The following MAGI2 variants were observed in gnomAD, a reference collection of about 807,000 sequenced individuals.
MAGI2 encodes the protein membrane-associated guanylate kinase, WW and PDZ domain-containing protein 2.
A neutral mutation model predicts 133.3 loss-of-function variants in MAGI2; 35 were observed. The ratio of observed to expected loss-of-function variants is 0.26; its 90% CI spans 0.20 to 0.35. MAGI2 has a LOEUF of 0.35. MAGI2 is among the 10% of genes least tolerant of loss of function. The probability of loss-of-function intolerance (pLI) is 1.00; values close to 1 mark genes in which losing one functional copy is unlikely to be tolerated. For missense variants in MAGI2, 1,636 were observed against 1,863.4 expected (o/e 0.88, Z 2.25); for synonymous variants, 729 against 710.6 (o/e 1.03, Z -0.41).
At chr7:79,420,469 G>A (rs1846876171) in intron 1 of MAGI2, among the ~76,000 whole-genome samples, 1 of 151,780 alleles carries the variant, frequency 6.6e-6, no homozygotes, top group African/African-American at 2.4e-5. Flanking sequence ...AGTGTATTTT[G>A]TTTCAACCTC....
At chr7:78,220,964 A>G (rs1788767266) in intron 10 of MAGI2, among the ~76,000 whole-genome samples, 3 of 152,188 alleles carry the variant, frequency 2.0e-5, no homozygotes, top group Non-Finnish European at 4.4e-5. Context: ...TTTACAACCC[A>G]TATGTTGTGT....
At chr7:79,088,900 A>T (rs561348516) in intron 1 of MAGI2, among the ~76,000 whole-genome samples, 1 of 152,220 alleles carries the variant, frequency 6.6e-6, no homozygotes, top group South Asian at 2.1e-4. Flanking sequence ...CAAAGACTTC[A>T]TGACTGAAAC....
At chr7:78,756,063 C>T (rs1823913756) in intron 2 of MAGI2, among the ~76,000 whole-genome samples, 1 of 152,140 alleles carries the variant, frequency 6.6e-6, no homozygotes, top group Non-Finnish European at 1.5e-5. Flanking sequence ...AAGAATGTAA[C>T]TTCGAGGTCA....
intron 2 of MAGI2, among the ~76,000 whole-genome samples, chr7:78,888,217 A>G (rs139059843): frequency 0.033 from 5,091 of 152,206 alleles, 256 homozygotes; most frequent in East Asian, 0.22. Flanking sequence ...TCAGTAGGTA[A>G]ACAAAGCGGC....
chr7:78,470,985 A>G (rs1308683566), intron 6 of MAGI2, among the ~76,000 whole-genome samples: 1 of 152,160 alleles, frequency 6.6e-6, no homozygotes, highest in Non-Finnish European at 1.5e-5. Context: ...GGTTGACCAA[A>G]ATGACTTCAC....
At chr7:78,660,927 C>G (rs1812882508) in intron 2 of MAGI2, among the ~76,000 whole-genome samples, 1 of 152,152 alleles carries the variant, frequency 6.6e-6, no homozygotes, top group African/African-American at 2.4e-5. Flanking sequence ...GATAAGGCAT[C>G]AGTGACTTGC....
chr7:78,915,353 C>T (rs2151623819), intron 2 of MAGI2, among the ~76,000 whole-genome samples: 1 of 152,230 alleles, frequency 6.6e-6, no homozygotes, highest in South Asian at 2.1e-4. Flanking sequence ...AGAGCCTATT[C>T]AGTTGGTACA....
chr7:78,720,355 A>T (rs1820143654), intron 2 of MAGI2, among the ~76,000 whole-genome samples: 1 of 152,108 alleles, frequency 6.6e-6, no homozygotes, highest in South Asian at 2.1e-4. Context: ...CACCTATGAG[A>T]TTCAAACTAT....
At position 78,493,674 on chromosome 7, in the gene MAGI2, C is replaced by T. The variant is rs17150907; in HGVS notation, c.966-3834G>A. On this transcript the variant is annotated intron_variant, in intron 5 of 21. Coordinates refer to ENST00000354212, the MANE Select transcript of MAGI2 (RefSeq NM_012301.4). The stretch of plus-strand genomic sequence containing the variant: ...AACCAGAGGCATCCGGAACCTCACA[C>T]TTGGCTTTTTATACTGAGGTGCTTC... Among the ~76,000 whole-genome samples, 487 of 152,120 alleles carry T rather than the reference C, an allele frequency of 3.2e-3. 4 individuals are homozygous for T. The highest frequency in any genetic ancestry group is 0.011 in the African/African-American group (469 of 41,502).
chr7:78,319,131 G>A (rs1787727848), intron 9 of MAGI2, among the ~76,000 whole-genome samples: 1 of 152,166 alleles, frequency 6.6e-6, no homozygotes, highest in Admixed American at 6.6e-5. Flanking sequence ...AACCTTAAAT[G>A]TAAATGGACT....
chr7:79,449,950 T>C (rs1849129578), intron 1 of MAGI2, among the ~76,000 whole-genome samples: 1 of 147,862 alleles, frequency 6.8e-6, no homozygotes, highest in African/African-American at 2.5e-5. Context: ...TTTAAAATTA[T>C]GACAGATGAA....
At chr7:78,288,645 T>G (rs1188643339) in intron 9 of MAGI2, among the ~76,000 whole-genome samples, 1 of 152,226 alleles carries the variant, frequency 6.6e-6, no homozygotes, top group Admixed American at 6.5e-5. Flanking sequence ...CTGGGCAGAC[T>G]GCCTCCTCAA....
At chr7:78,098,848 C>T (rs1009234156) in intron 20 of MAGI2, among the ~76,000 whole-genome samples, 67 of 152,294 alleles carry the variant, frequency 4.4e-4, no homozygotes, top group African/African-American at 1.5e-3. Context: ...TTTCCTGATA[C>T]GGAGTATGTT....
At chr7:78,518,048 C>T (rs1010984210) in intron 4 of MAGI2, 1 of 151,494 alleles carries the variant, frequency 6.6e-6, no homozygotes, top group African/African-American at 2.4e-5. Flanking sequence ...GAATCACCTA[C>T]AAGCTTTATT....
chr7:79,350,663 C>T (rs926581961), intron 1 of MAGI2, among the ~76,000 whole-genome samples: 3 of 151,870 alleles, frequency 2.0e-5, no homozygotes, highest in African/African-American at 7.3e-5. Context: ...AGAAGATGGG[C>T]TGAATGGAAA....
intron 3 of MAGI2, among the ~76,000 whole-genome samples, chr7:78,604,748 T>TG (rs1805620883): frequency 6.6e-6 from 1 of 152,260 alleles, no homozygotes; most frequent in African/African-American, 2.4e-5. Context: ...TCTGTTTCAA[T>TG]ATATTGTTGC....
chr7:78,640,107 T>C (rs1810123499), intron 2 of MAGI2, among the ~76,000 whole-genome samples: 1 of 152,144 alleles, frequency 6.6e-6, no homozygotes, highest in South Asian at 2.1e-4. Flanking sequence ...TCTATTCAAT[T>C]GTCATAATCC....
At chr7:78,946,436 C>A (rs546550163) in intron 2 of MAGI2, among the ~76,000 whole-genome samples, 2 of 152,132 alleles carry the variant, frequency 1.3e-5, no homozygotes, top group Non-Finnish European at 2.9e-5. Flanking sequence ...TGAATAATTG[C>A]AAGGTCTAAA....
At chr7:78,749,508 T>A (rs1358611833) in intron 2 of MAGI2, among the ~76,000 whole-genome samples, 1 of 151,940 alleles carries the variant, frequency 6.6e-6, no homozygotes, top group African/African-American at 2.4e-5. Flanking sequence ...AATAAGGTAA[T>A]CAGCATAGGC....
Sources: allele counts gnomAD v4.1 joint callset (sites outside exome capture counted in the v4.1 genomes callset), GRCh38; gene constraint gnomAD v4.1.1; transcripts MANE v1.5; gene names NCBI Gene and HGNC (gene_info 2026-07-23, HGNC 2026-07-21).